PDE4D: variants seen among roughly 807,000 people sequenced by gnomAD.
The protein encoded by PDE4D is 3',5'-cyclic-AMP phosphodiesterase 4D.
Under a neutral mutation model 87.4 loss-of-function variants are expected in PDE4D, and 24 were observed. The observed-to-expected ratio is 0.27, with a 90% CI of 0.20 to 0.39. The LOEUF (loss-of-function observed/expected upper bound fraction) is 0.39, where lower values mean the gene tolerates loss of function less well. Among genes scored for constraint, PDE4D ranks in the 10% least tolerant of loss-of-function variants. The pLI, the probability that PDE4D is intolerant of heterozygous loss-of-function variation, is 1.00. For synonymous variants in PDE4D, 384 were observed against 383.2 expected (o/e 1.00, Z -0.02); for missense variants, 714 against 1,041.0 (o/e 0.69, Z 4.32).
At chr5:59,095,412 T>C (rs770197335) in intron 5 of PDE4D, among the ~76,000 whole-genome samples, 1 of 152,000 alleles carries the variant, frequency 6.6e-6, no homozygotes, top group African/African-American at 2.4e-5. Context: ...ACAAAGGATA[T>C]GGTTTATCAT....
chr5:59,980,468 G>A (rs188896902), intron 3 of PDE4D, among the ~76,000 whole-genome samples: 2 of 152,324 alleles, frequency 1.3e-5, no homozygotes, highest in East Asian at 3.9e-4. Flanking sequence ...GCACAAGAAA[G>A]TTTTGAAAAT....
At chr5:59,962,662 A>T (rs1324486371) in intron 3 of PDE4D, among the ~76,000 whole-genome samples, 2 of 152,218 alleles carry the variant, frequency 1.3e-5, no homozygotes, top group Non-Finnish European at 2.9e-5. Flanking sequence ...CAATCTCTAC[A>T]TAGAAAATAT....
chr5:60,103,948 C>T (rs578148103), intron 2 of PDE4D, among the ~76,000 whole-genome samples: 196 of 152,298 alleles, frequency 1.3e-3, no homozygotes, highest in African/African-American at 4.5e-3. Flanking sequence ...AGACAGGTGA[C>T]TTCTGCATTT....
chr5:59,582,435 G>A (rs1220813705), intron 1 of PDE4D, among the ~76,000 whole-genome samples: 1 of 152,134 alleles, frequency 6.6e-6, no homozygotes, highest in East Asian at 1.9e-4. Context: ...GGCTAGATAG[G>A]AAGGATTATC....
At chr5:59,818,853 C>G (rs1432803220) in intron 1 of PDE4D, among the ~76,000 whole-genome samples, 1 of 107,552 alleles carries the variant, frequency 9.3e-6, no homozygotes, top group Non-Finnish European at 1.9e-5. Context: ...TGGGGAAGAG[C>G]AAAAAAAAAA....
intron 1 of PDE4D, among the ~76,000 whole-genome samples, chr5:59,852,069 G>A (rs913198145): frequency 6.6e-6 from 1 of 152,038 alleles, no homozygotes; most frequent in Non-Finnish European, 1.5e-5. Context: ...TAGATGATAA[G>A]ATCTTGGACT....
chr5:59,889,722 T>C (rs562945080), intron 1 of PDE4D, among the ~76,000 whole-genome samples: 7 of 152,346 alleles, frequency 4.6e-5, no homozygotes, highest in Non-Finnish European at 8.8e-5. Flanking sequence ...TTGTCACATT[T>C]TGAAGACTAT....
At chr5:59,283,420 T>C (rs1003958741) in intron 1 of PDE4D, among the ~76,000 whole-genome samples, 2 of 152,302 alleles carry the variant, frequency 1.3e-5, no homozygotes, top group East Asian at 3.9e-4. Flanking sequence ...CTTTCAAAGA[T>C]ACAAACCTTA....
chr5:59,454,166 AT>A (rs1204355186), intron 1 of PDE4D, among the ~76,000 whole-genome samples: 2 of 152,278 alleles, frequency 1.3e-5, no homozygotes, highest in East Asian at 1.9e-4. Context: ...TTATATAAAG[AT>A]TTTTAAAAAT....
At chr5:59,658,213 AT>A (rs1273792072) in intron 1 of PDE4D, among the ~76,000 whole-genome samples, 2 of 152,190 alleles carry the variant, frequency 1.3e-5, no homozygotes, top group Non-Finnish European at 2.9e-5. Context: ...AAAAAGCATG[AT>A]AGTGATATTA....
At chr5:59,076,701 G>A (rs1462247246) in intron 5 of PDE4D, among the ~76,000 whole-genome samples, 1 of 152,020 alleles carries the variant, frequency 6.6e-6, no homozygotes. Context: ...TCAATGCCTT[G>A]CCTTAAAAAT....
At chr5:60,374,241 T>G (rs1262608897) in intron 1 of PDE4D, among the ~76,000 whole-genome samples, 1 of 152,140 alleles carries the variant, frequency 6.6e-6, no homozygotes, top group Non-Finnish European at 1.5e-5. Context: ...AGCAGTTTTC[T>G]CCTACATGCC....
intron 1 of PDE4D, among the ~76,000 whole-genome samples, chr5:59,550,806 C>G (rs1264182279): frequency 1.3e-5 from 2 of 151,870 alleles, no homozygotes; most frequent in East Asian, 3.9e-4. Context: ...AAGAGATTCT[C>G]CTATCTCAGC....
intron 1 of PDE4D, among the ~76,000 whole-genome samples, chr5:60,418,955 G>A (rs1044085077): frequency 2.0e-5 from 3 of 150,454 alleles, no homozygotes; most frequent in Non-Finnish European, 4.4e-5. Flanking sequence ...ATAAAAAATA[G>A]AAGCCAATTT....
At chr5:59,868,982 G>A (rs145686581) in intron 1 of PDE4D, among the ~76,000 whole-genome samples, 140 of 152,298 alleles carry the variant, frequency 9.2e-4, no homozygotes, top group African/African-American at 3.3e-3. Flanking sequence ...GCTAACAAAA[G>A]TTGTAATTAA....
At chr5:59,414,535 G>A (rs1159452396) in intron 1 of PDE4D, among the ~76,000 whole-genome samples, 1 of 152,200 alleles carries the variant, frequency 6.6e-6, no homozygotes, top group Non-Finnish European at 1.5e-5. Flanking sequence ...TAATACACCA[G>A]TTTGTCTATA....
intron 1 of PDE4D, among the ~76,000 whole-genome samples, chr5:60,205,286 CT>C (rs1307714919): frequency 5.9e-5 from 9 of 152,202 alleles, no homozygotes; most frequent in African/African-American, 2.2e-4. Flanking sequence ...CTTTGCAGGA[CT>C]TTGCCCAGTG....
chr5:59,502,620 C>A (rs942059284), intron 1 of PDE4D, among the ~76,000 whole-genome samples: 1 of 150,528 alleles, frequency 6.6e-6, no homozygotes, highest in African/African-American at 2.5e-5. Context: ...AAATTGAAAG[C>A]ACCATTATTT....
intron 2 of PDE4D, among the ~76,000 whole-genome samples, chr5:60,170,311 G>A (rs1038450297): frequency 2.0e-5 from 3 of 151,920 alleles, no homozygotes; most frequent in Non-Finnish European, 2.9e-5. Context: ...GCTTGGTAAA[G>A]TAATGGCTAG....
Sources: allele counts gnomAD v4.1 joint callset (sites outside exome capture counted in the v4.1 genomes callset), GRCh38; gene constraint gnomAD v4.1.1; transcripts MANE v1.5; gene names NCBI Gene and HGNC (gene_info 2026-07-23, HGNC 2026-07-21).